CYTH3: variants seen among roughly 807,000 people sequenced by gnomAD.
The protein encoded by CYTH3 is cytohesin 3.
CYTH3 carries 23 observed loss-of-function variants against 55.1 expected under a neutral mutation model. The ratio of observed to expected loss-of-function variants is 0.42; its 90% CI spans 0.30 to 0.59. The LOEUF (loss-of-function observed/expected upper bound fraction) is 0.59. Among genes scored for constraint, CYTH3 ranks in the 20% least tolerant of loss-of-function variants. The pLI is 0.20. For missense variants in CYTH3, 413 were observed against 524.8 expected (o/e 0.79, Z 2.08); for synonymous variants, 249 against 194.9 (o/e 1.28, Z -2.31).
chr7:6,269,673 C>G (rs964131305), intron 1 of CYTH3, among the ~76,000 whole-genome samples: 5 of 152,186 alleles, frequency 3.3e-5, no homozygotes, highest in Non-Finnish European at 7.3e-5. Flanking sequence ...TCTGCACACA[C>G]TGTAAGGAAC....
At chr7:6,190,664 G>A in intron 1 of CYTH3, 133 bp from the exon 2 acceptor site, 3 of 657,904 alleles carry the variant, frequency 4.6e-6, no homozygotes, top group Non-Finnish European at 7.3e-6. Context: ...CTCCCATTGA[G>A]ACTGTATCTG....
intron 1 of CYTH3, among the ~76,000 whole-genome samples, chr7:6,251,000 C>T (rs116033876): frequency 0.017 from 2,665 of 152,298 alleles, 89 homozygotes; most frequent in African/African-American, 0.062. Context: ...TGAGAAGAGC[C>T]GGGCTCAGTG....
At position 6,170,772 on chromosome 7, in the gene CYTH3, G is replaced by A. The variant is rs972161585; in HGVS notation, c.711+58C>T. 3.2e-5 allele frequency: 50 copies of A among 1,577,302 alleles called. 1 individual carries two copies. The highest frequency in any genetic ancestry group is 3.1e-4 in the African/African-American group (23 of 74,148). On this transcript the variant is annotated intron_variant, in intron 8 of 12. Coordinates refer to ENST00000350796, the MANE Select transcript of CYTH3 (RefSeq NM_004227.4). This position sits in a 1 kb window ranked among gnomAD's most constrained non-coding sequence, Gnocchi z 7.8. The stretch of plus-strand genomic sequence containing the variant: ...GCGTGTCTAGAGCCGCGGGCGCTGC[G>A]GCCGCTCACAGCGAAGAGATCCTGC...
chr7:6,185,492 C>T (rs577209320), intron 4 of CYTH3, among the ~76,000 whole-genome samples: 48 of 152,038 alleles, frequency 3.2e-4, no homozygotes, highest in East Asian at 5.8e-4. Context: ...GTCAGGAGAT[C>T]GAGACCATCC....
chr7:6,203,453 C>G (rs1784106996), intron 1 of CYTH3, among the ~76,000 whole-genome samples: 1 of 152,124 alleles, frequency 6.6e-6, no homozygotes, highest in Non-Finnish European at 1.5e-5. Flanking sequence ...GATTATGAGT[C>G]TAGTCATTGC....
intron 1 of CYTH3, among the ~76,000 whole-genome samples, chr7:6,270,356 G>A (rs1485482315): frequency 2.0e-5 from 3 of 152,178 alleles, no homozygotes; most frequent in Admixed American, 6.5e-5. Flanking sequence ...TTATTTTCCA[G>A]CACCTAACAT....
At position 6,175,673 on chromosome 7, in the gene CYTH3, G is replaced by A. The variant is rs376964544; in HGVS notation, c.369-1940C>T. ...AGCGATTCTCCTGCCTCAGCCTCCC[G>A]AGTGGCTGGGATTATAGACACCTGC... On this transcript the variant is annotated intron_variant, in intron 5 of 12. Transcript: ENST00000350796. 6.1e-5 allele frequency among the ~76,000 whole-genome samples: 9 copies of A among 146,588 alleles called. No homozygotes were observed. In the South Asian group the frequency reaches 9.0e-4, roughly 15 times the overall value.
chr7:6,254,418 G>C (rs115566722), intron 1 of CYTH3, among the ~76,000 whole-genome samples: 1 of 152,216 alleles, frequency 6.6e-6, no homozygotes, highest in South Asian at 2.1e-4. Context: ...CTTAGAAGAC[G>C]AGTGCTAAAG....
chr7:6,190,421 A>AT (rs1783772253), intron 2 of CYTH3, 28 bp downstream of exon 2: 46 of 1,309,466 alleles, frequency 3.5e-5, no homozygotes, highest in Admixed American at 1.2e-4. Flanking sequence ...AGAGTTTTGG[A>AT]TTTTTGGTTT....
chr7:6,240,166 T>C (rs1339168352), intron 1 of CYTH3, among the ~76,000 whole-genome samples: 2 of 151,334 alleles, frequency 1.3e-5, no homozygotes, highest in East Asian at 3.9e-4. Flanking sequence ...ATGAGCCAGG[T>C]GTGGTGGCAG....
chr7:6,202,347 C>T (rs10257191), intron 1 of CYTH3, among the ~76,000 whole-genome samples: 8 of 152,126 alleles, frequency 5.3e-5, no homozygotes, highest in Non-Finnish European at 1.0e-4. Context: ...GCTCAGCCCC[C>T]GGCTGGCCTT....
intron 1 of CYTH3, among the ~76,000 whole-genome samples, chr7:6,249,492 TCTC>T (rs1305443553): frequency 1.3e-5 from 2 of 152,116 alleles, no homozygotes; most frequent in Non-Finnish European, 2.9e-5. Context: ...GCCTTTGAAT[TCTC>T]CTTATTTGCA....
At chr7:6,259,772 T>TATATATATAATATATATA (rs1491219669) in intron 1 of CYTH3, among the ~76,000 whole-genome samples, 4 of 30,502 alleles carry the variant, frequency 1.3e-4, no homozygotes, top group African/African-American at 6.2e-4. Context: ...TATATATATA[T>TATATATATAATATATATA]TATATATATA....
At chr7:6,165,111 A>G (rs907429713) in intron 12 of CYTH3, 95 bp from the exon 13 acceptor site, 45 of 1,580,178 alleles carry the variant, frequency 2.8e-5, no homozygotes, top group Non-Finnish European at 3.9e-5. Context: ...ACAGGACCGC[A>G]GGCTCAGATC....
At chr7:6,260,125 A>G (rs1780313916) in intron 1 of CYTH3, among the ~76,000 whole-genome samples, 1 of 151,568 alleles carries the variant, frequency 6.6e-6, no homozygotes, top group African/African-American at 2.4e-5. Flanking sequence ...CACCGCGCCC[A>G]GCCAATATTT....
chr7:6,184,049 CTTTTTTTTTTTTTTTT>C (rs60634853), intron 4 of CYTH3, among the ~76,000 whole-genome samples: 3 of 46,376 alleles, frequency 6.5e-5, no homozygotes, highest in Non-Finnish European at 1.2e-4. Context: ...CCCTCTGTGG[CTTTTTTTTTTTTTTTT>C]TTTTTTTTTT....
At chr7:6,166,179 TAC>T (rs918556690) in intron 9 of CYTH3, among the ~76,000 whole-genome samples, 3 of 152,154 alleles carry the variant, frequency 2.0e-5, no homozygotes, top group Admixed American at 6.5e-5. Context: ...GTTATCGCAT[TAC>T]AGAGGCCCTT....
At position 6,164,834 on chromosome 7, in the gene CYTH3, G is replaced by T; in HGVS notation, c.*110C>A. On this transcript the variant is annotated 3_prime_UTR_variant, in exon 13 of 13. Transcript: ENST00000350796. ...GGCCACGGTATGCTCTGGAGCAGCAGCTTGCACCGCAGGGCGACTGCCTCC... is the reference window on the plus strand; with the variant it reads ...GGCCACGGTATGCTCTGGAGCAGCATCTTGCACCGCAGGGCGACTGCCTCC... The T allele has an allele frequency of 1.7e-6, 2 of 1,206,734 alleles. No homozygotes were observed. The highest frequency in any genetic ancestry group is 2.4e-6 in the Non-Finnish European group (2 of 820,610). The allele number at this position is 1,206,734 out of a possible 1,614,324, so 74.8% of individuals were successfully genotyped here. A position where few individuals can be genotyped will look rare whatever the true frequency, so the allele number is the denominator to read the frequency against.
chr7:6,177,693 GTGGATGCCCACAGCCCGTGGCTCTATCA>G lies in CYTH3; in HGVS notation c.368+102_368+129del, dbSNP rs542917304. 747 of 703,690 alleles carry G rather than the reference GTGGATGCCCACAGCCCGTGGCTCTATCA, an allele frequency of 1.1e-3. 2 individuals carry two copies. Among genetic ancestry groups the G allele is most frequent in the Middle Eastern group, 7.5e-3 (18 of 2,406 alleles). 43.6% of individuals were successfully genotyped at this position (703,690 alleles called of 1,614,324 possible). On this transcript the variant is annotated intron_variant, in intron 5 of 12. Coordinates refer to ENST00000350796, the MANE Select transcript of CYTH3 (RefSeq NM_004227.4). The stretch of plus-strand genomic sequence containing the variant: ...GCTCGCTTGGTATTGAGACGGGCAT[GTGGATGCCCACAGCCCGTGGCTCTATCA>G]TGCCTTTAGGCTGTGATGGCCCCGA...
Sources: gnomAD v4.1 joint callset for allele counts (sites outside exome capture counted in the v4.1 genomes callset) on GRCh38, gnomAD v4.1.1 for gene constraint, Gnocchi (gnomAD v3.1) non-coding constraint, MANE v1.5 for transcripts, NCBI Gene and HGNC (gene_info 2026-07-23, HGNC 2026-07-21) for gene names.